ZBTB20: variants seen among roughly 807,000 people sequenced by gnomAD.
ZBTB20 encodes zinc finger and BTB domain containing 20.
ZBTB20 carries 9 observed loss-of-function variants against 56.9 expected under a neutral mutation model. That is an observed-to-expected ratio of 0.16 (90% confidence interval 0.10 to 0.28). ZBTB20 has a LOEUF of 0.28. Among genes scored for constraint, ZBTB20 ranks in the 10% least tolerant of loss-of-function variants. The pLI is 1.00. For synonymous variants in ZBTB20, 417 were observed against 420.7 expected (o/e 0.99, Z 0.11); for missense variants, 655 against 1,003.0 (o/e 0.65, Z 4.69).
At chr3:114,923,574 A>T (rs2076041093) in intron 3 of ZBTB20, among the ~76,000 whole-genome samples, 1 of 152,210 alleles carries the variant, frequency 6.6e-6, no homozygotes, top group Admixed American at 6.5e-5. Flanking sequence ...AATTAACTCA[A>T]AATGAATTAA....
At chr3:115,128,112 G>A (rs1427079922) in intron 1 of ZBTB20, among the ~76,000 whole-genome samples, 2 of 152,088 alleles carry the variant, frequency 1.3e-5, no homozygotes, top group Admixed American at 6.5e-5. Flanking sequence ...AAGAATGCAC[G>A]CAACATATAT....
chr3:114,533,800 C>A (rs990573520), intron 6 of ZBTB20, among the ~76,000 whole-genome samples: 2 of 152,220 alleles, frequency 1.3e-5, no homozygotes, highest in Non-Finnish European at 2.9e-5. Context: ...TCTGCAGAAA[C>A]CCTACAGGCC....
chr3:114,707,648 A>C (rs1383496750), intron 5 of ZBTB20, among the ~76,000 whole-genome samples: 1 of 152,196 alleles, frequency 6.6e-6, no homozygotes, highest in Non-Finnish European at 1.5e-5. Context: ...ACACAGTGGA[A>C]GAAGCGGGAA....
rs9879813 is a variant in ZBTB20 at position 114,321,119 on chromosome 3, T to G, written c.*17886A>C. 0.54 allele frequency: 82,389 copies of G among 152,044 alleles called. 22,685 individuals carry two copies. Among genetic ancestry groups the G allele is most frequent in the East Asian group, 0.86 (4,475 of 5,180 alleles). The allele number at this position is 152,044 out of a possible 1,614,324, so 9.4% of individuals were successfully genotyped here. A position where few individuals can be genotyped will look rare whatever the true frequency, so the allele number is the denominator to read the frequency against. ...GGACACAGGGGAGCTGCTACTGGTA[T>G]TTATATTTAATTTGGAGGAATTTCC... On this transcript the variant is annotated 3_prime_UTR_variant, in exon 12 of 12. Coordinates refer to ENST00000675478, the MANE Select transcript of ZBTB20 (RefSeq NM_001348800.3).
chr3:114,549,904 C>G (rs1169124652), intron 6 of ZBTB20, among the ~76,000 whole-genome samples: 1 of 151,956 alleles, frequency 6.6e-6, no homozygotes, highest in Non-Finnish European at 1.5e-5. Flanking sequence ...CCTCAATTTT[C>G]CTTCCATAAA....
chr3:115,095,339 C>T (rs528543591), intron 1 of ZBTB20, among the ~76,000 whole-genome samples: 1 of 152,092 alleles, frequency 6.6e-6, no homozygotes, highest in Admixed American at 6.6e-5. Context: ...GTTAACTGAA[C>T]TACAAAACAC....
chr3:114,781,753 A>T (rs1455077437), intron 5 of ZBTB20, among the ~76,000 whole-genome samples: 4 of 152,176 alleles, frequency 2.6e-5, no homozygotes, highest in African/African-American at 9.7e-5. Context: ...TAACTGAATC[A>T]TGGGGGCGGT....
At chr3:114,983,370 C>T (rs1231809481) in intron 2 of ZBTB20, among the ~76,000 whole-genome samples, 1 of 151,764 alleles carries the variant, frequency 6.6e-6, no homozygotes, top group Non-Finnish European at 1.5e-5. Context: ...AATTTTAACT[C>T]GAGAAATGCC....
In ZBTB20 at chr3:114,670,141, G is replaced by C. The variant is rs1012806174; in HGVS notation, c.-295+23387C>G. ...GAAGTTGACATTCATAAGAGCATTT[G>C]GATACTACCAATGTGAAGTTGTACA... On this transcript the variant is annotated intron_variant, in intron 6 of 11. Coordinates refer to ENST00000675478, the MANE Select transcript of ZBTB20 (RefSeq NM_001348800.3). 1.1e-4 allele frequency among the ~76,000 whole-genome samples: 16 copies of C among 152,056 alleles called. No individual in the cohort carries two copies. The East Asian group carries it at 3.1e-3, about 29-fold the overall frequency.
intron 7 of ZBTB20, among the ~76,000 whole-genome samples, chr3:114,404,523 A>G (rs2087119763): frequency 6.6e-6 from 1 of 152,186 alleles, no homozygotes; most frequent in Non-Finnish European, 1.5e-5. Flanking sequence ...GGTATCTTAG[A>G]AAAGACTAAA....
intron 4 of ZBTB20, among the ~76,000 whole-genome samples, chr3:114,844,661 A>G (rs541325705): frequency 1.3e-5 from 2 of 148,880 alleles, no homozygotes; most frequent in African/African-American, 4.9e-5. Context: ...TGGCTGTACC[A>G]TTTTACTTTA....
intron 6 of ZBTB20, among the ~76,000 whole-genome samples, chr3:114,548,383 A>G (rs1245468236): frequency 2.0e-5 from 3 of 152,116 alleles, no homozygotes; most frequent in Non-Finnish European, 2.9e-5. Context: ...CTCTCATGCA[A>G]CTTCTGTCTA....
intron 1 of ZBTB20, among the ~76,000 whole-genome samples, chr3:115,125,298 G>A (rs1171292520): frequency 1.3e-5 from 2 of 150,948 alleles, no homozygotes; most frequent in Non-Finnish European, 2.9e-5. Context: ...AACCATGATT[G>A]TGTCACTGCA....
At chr3:114,862,392 T>C (rs1236165971) in intron 4 of ZBTB20, among the ~76,000 whole-genome samples, 1 of 142,596 alleles carries the variant, frequency 7.0e-6, no homozygotes, top group Non-Finnish European at 1.6e-5. Flanking sequence ...AGAACATACC[T>C]AAAATGGCAT....
At chr3:114,868,725 A>AT (rs1373428865) in intron 4 of ZBTB20, among the ~76,000 whole-genome samples, 1 of 152,184 alleles carries the variant, frequency 6.6e-6, no homozygotes, top group Non-Finnish European at 1.5e-5. Context: ...GAATAAACAA[A>AT]TTATTATCTT....
chr3:114,696,321 G>A (rs1332144770), intron 5 of ZBTB20, among the ~76,000 whole-genome samples: 4 of 152,000 alleles, frequency 2.6e-5, no homozygotes, highest in Non-Finnish European at 5.9e-5. Context: ...CTTAAAGAAT[G>A]ATGCTGATCT....
intron 2 of ZBTB20, among the ~76,000 whole-genome samples, chr3:114,980,904 A>G (rs1397631394): frequency 6.6e-6 from 1 of 151,886 alleles, no homozygotes; most frequent in East Asian, 1.9e-4. Flanking sequence ...TTCTAGGGGG[A>G]AAGGTGTTTT....
chr3:114,834,292 G>A (rs1313485910), intron 4 of ZBTB20, among the ~76,000 whole-genome samples: 1 of 152,048 alleles, frequency 6.6e-6, no homozygotes, highest in Non-Finnish European at 1.5e-5. Context: ...GCTTATAACT[G>A]CTCAAGTAGG....
intron 3 of ZBTB20, among the ~76,000 whole-genome samples, chr3:114,953,795 GA>G (rs1321370590): frequency 6.6e-6 from 1 of 151,960 alleles, no homozygotes; most frequent in Non-Finnish European, 1.5e-5. Context: ...CTCAGTAATA[GA>G]CTAATATATA....
Sources: allele counts gnomAD v4.1 joint callset (sites outside exome capture counted in the v4.1 genomes callset), GRCh38; gene constraint gnomAD v4.1.1; transcripts MANE v1.5; gene names NCBI Gene and HGNC (gene_info 2026-07-23, HGNC 2026-07-21).